VTI1A: variants seen among roughly 807,000 people sequenced by gnomAD.
VTI1A encodes the protein vesicle transport through interaction with t-SNAREs homolog 1A.
In VTI1A, 22 loss-of-function variants were observed where a neutral mutation model predicts 34.9. The ratio of observed to expected loss-of-function variants is 0.63; its 90% CI spans 0.45 to 0.90. The LOEUF is 0.90. VTI1A is among the 40% of genes least tolerant of loss of function. The probability of loss-of-function intolerance (pLI) is 0.00; values close to 1 mark genes in which losing one functional copy is unlikely to be tolerated. For missense variants in VTI1A, 268 were observed against 275.6 expected (o/e 0.97, Z 0.20); for synonymous variants, 87 against 97.3 (o/e 0.89, Z 0.62).
chr10:112,473,842 C>T lies in VTI1A; in HGVS notation c.264+9185C>T, dbSNP rs114069974. Among the ~76,000 whole-genome samples, 1,055 of 152,252 alleles carry T rather than the reference C, an allele frequency of 6.9e-3. 14 individuals carry two copies. The highest frequency in any genetic ancestry group is 0.025 in the African/African-American group (1,027 of 41,540). On this transcript the variant is annotated intron_variant, in intron 3 of 7. Coordinates refer to ENST00000393077, the MANE Select transcript of VTI1A (RefSeq NM_145206.4). Reference sequence around the variant, plus strand: ...CACAAACAATTATATAAGAAATATACTGTTGTTTATGATTTTGGGGATTTT... The same window carrying T: ...CACAAACAATTATATAAGAAATATATTGTTGTTTATGATTTTGGGGATTTT...
the VTI1A span, among the ~76,000 whole-genome samples, chr10:112,837,371 G>T: frequency 6.6e-6 from 1 of 152,144 alleles, no homozygotes; most frequent in Non-Finnish European, 1.5e-5. Flanking sequence ...ACTGGAGGAT[G>T]GGTGGTTAAG....
intron 3 of VTI1A, among the ~76,000 whole-genome samples, chr10:112,491,627 T>C (rs1649370520): frequency 6.6e-6 from 1 of 152,222 alleles, no homozygotes; most frequent in African/African-American, 2.4e-5. Context: ...AAACAAAATA[T>C]TACCGTTTCA....
At chr10:112,660,246 G>T (rs999200935) in intron 5 of VTI1A, among the ~76,000 whole-genome samples, 25 of 152,042 alleles carry the variant, frequency 1.6e-4, no homozygotes, top group Admixed American at 7.2e-4. Context: ...AACTACAGGC[G>T]CACGCCACCA....
At chr10:112,635,139 T>A (rs1292076614) in intron 5 of VTI1A, among the ~76,000 whole-genome samples, 3 of 152,214 alleles carry the variant, frequency 2.0e-5, no homozygotes, top group Non-Finnish European at 4.4e-5. Context: ...CCAGGCACTG[T>A]GCTCATTATT....
chr10:112,790,338 G>C (rs1034671285), intron 7 of VTI1A, among the ~76,000 whole-genome samples: 1 of 152,170 alleles, frequency 6.6e-6, no homozygotes, highest in Non-Finnish European at 1.5e-5. Flanking sequence ...CTTCTCACTG[G>C]TGTCTCTCAG....
chr10:112,675,580 A>G (rs1244573975), intron 7 of VTI1A, among the ~76,000 whole-genome samples: 1 of 152,228 alleles, frequency 6.6e-6, no homozygotes, highest in Non-Finnish European at 1.5e-5. Context: ...TGTATTGCTA[A>G]GCATAGACTG....
At chr10:112,473,273 T>C (rs1848162842) in intron 3 of VTI1A, among the ~76,000 whole-genome samples, 1 of 152,048 alleles carries the variant, frequency 6.6e-6, no homozygotes, top group African/African-American at 2.4e-5. Context: ...CATGTCCAGC[T>C]AATTTTTGTA....
chr10:112,830,849 ATTTT>A, the VTI1A span, among the ~76,000 whole-genome samples: 35 of 33,466 alleles, frequency 1.0e-3, no homozygotes, highest in South Asian at 0.016. Flanking sequence ...ATATATATAT[ATTTT>A]TTTTTTTTTT....
chr10:112,813,654 C>T (rs1254210362), intron 7 of VTI1A, among the ~76,000 whole-genome samples: 1 of 152,174 alleles, frequency 6.6e-6, no homozygotes, highest in African/African-American at 2.4e-5. Flanking sequence ...TATCATAAGC[C>T]ATGAAGTCCT....
At chr10:112,461,655 A>C (rs1847733307) in intron 2 of VTI1A, among the ~76,000 whole-genome samples, 1 of 152,176 alleles carries the variant, frequency 6.6e-6, no homozygotes, top group Non-Finnish European at 1.5e-5. Flanking sequence ...TTTAAAAGCT[A>C]ACTACTACAA....
intron 7 of VTI1A, among the ~76,000 whole-genome samples, chr10:112,790,767 T>G (rs1852438585): frequency 6.6e-6 from 1 of 151,702 alleles, no homozygotes; most frequent in Non-Finnish European, 1.5e-5. Flanking sequence ...AAAAGACGTT[T>G]TTTTTTTTTT....
At position 112,816,666 on chromosome 10, in the gene VTI1A, A is replaced by C. The variant is rs370264141; in HGVS notation, c.*1283A>C. On this transcript the variant is annotated 3_prime_UTR_variant, in exon 8 of 8. Coordinates refer to ENST00000393077, the MANE Select transcript of VTI1A (RefSeq NM_145206.4). ...AGTCACAAAGCAGAATGTTTTTCTCAAGACTTCATAGGCACTTACTGGTCC... is the reference window on the plus strand; with the variant it reads ...AGTCACAAAGCAGAATGTTTTTCTCCAGACTTCATAGGCACTTACTGGTCC... 2 of 226,832 alleles carry C rather than the reference A, an allele frequency of 8.8e-6. No individual in the cohort carries two copies. Among genetic ancestry groups the C allele is most frequent in the Non-Finnish European group, 1.8e-5 (2 of 114,096 alleles). The allele number at this position is 226,832 out of a possible 1,614,324, so 14.1% of individuals were successfully genotyped here.
At position 112,759,468 on chromosome 10, in the gene VTI1A, C is replaced by T. The variant is rs529256655; in HGVS notation, c.561-55822C>T. Among the ~76,000 whole-genome samples the T allele has an allele frequency of 5.7e-4, 87 of 152,282 alleles. 1 individual carries two copies. Among genetic ancestry groups the T allele is most frequent in the East Asian group, 1.9e-3 (10 of 5,174 alleles). On this transcript the variant is annotated intron_variant, in intron 7 of 7. Transcript: ENST00000393077. ...AAAATCCATTTCTTATTTCCCCGAG[C>T]GTATAGAGTTCGTTCACATGCCTAC... is the stretch of plus-strand genomic sequence containing the variant.
At chr10:112,845,246 C>T in the VTI1A span, among the ~76,000 whole-genome samples, 1 of 152,172 alleles carries the variant, frequency 6.6e-6, no homozygotes, top group Non-Finnish European at 1.5e-5. Context: ...ACCCAACGGC[C>T]TTTCTCTGCA....
chr10:112,599,497 C>T (rs1431105053), intron 5 of VTI1A, among the ~76,000 whole-genome samples: 2 of 152,206 alleles, frequency 1.3e-5, no homozygotes, highest in Non-Finnish European at 2.9e-5. Context: ...AACGACTGGA[C>T]CGCCAATAAG....
At chr10:112,637,395 G>A (rs1187414524) in intron 5 of VTI1A, among the ~76,000 whole-genome samples, 1 of 152,202 alleles carries the variant, frequency 6.6e-6, no homozygotes, top group Non-Finnish European at 1.5e-5. Flanking sequence ...AGGGCTGGGT[G>A]TGGTGGCTCA....
Position 112,510,259 on chromosome 10 carries a change from T to A in VTI1A, c.265-16828T>A, listed in dbSNP as rs148280880. Among the ~76,000 whole-genome samples, 658 of 152,324 alleles carry A rather than the reference T, an allele frequency of 4.3e-3. 3 individuals carry two copies. The highest frequency in any genetic ancestry group is 0.015 in the African/African-American group (624 of 41,582). ...ATTTGCATTAAGTTCCTCTAGGCAT[T>A]TTTGTATAAACATCAATCTGGCATT... On this transcript the variant is annotated intron_variant, in intron 3 of 7. Coordinates refer to ENST00000393077, the MANE Select transcript of VTI1A (RefSeq NM_145206.4).
intron 5 of VTI1A, among the ~76,000 whole-genome samples, chr10:112,593,407 A>G (rs1040249218): frequency 2.0e-5 from 3 of 152,178 alleles, no homozygotes; most frequent in African/African-American, 7.2e-5. Context: ...TTCCTCAGGG[A>G]GGGCTCTGCA....
chr10:112,722,042 G>T (rs1358289414), intron 7 of VTI1A, among the ~76,000 whole-genome samples: 1 of 152,108 alleles, frequency 6.6e-6, no homozygotes, highest in Non-Finnish European at 1.5e-5. Flanking sequence ...GGTTTAAGGG[G>T]TCCTCTGTAT....
Sources: allele counts gnomAD v4.1 joint callset (sites outside exome capture counted in the v4.1 genomes callset), GRCh38; gene constraint gnomAD v4.1.1; transcripts MANE v1.5; gene names NCBI Gene and HGNC (gene_info 2026-07-23, HGNC 2026-07-21).